The following FGF1 variants were observed in gnomAD, a reference collection of about 807,000 sequenced individuals.
FGF1 encodes fibroblast growth factor 1.
In FGF1, 9 loss-of-function variants were observed where a neutral mutation model predicts 13.4. The observed-to-expected ratio is 0.67, with a 90% confidence interval of 0.40 to 1.17. The LOEUF (loss-of-function observed/expected upper bound fraction) is 1.17, where lower values mean the gene tolerates loss of function less well. Among genes scored for constraint, FGF1 ranks in the 50% most tolerant of loss-of-function variants. The probability of loss-of-function intolerance (pLI) is 0.01; values close to 1 mark genes in which losing one functional copy is unlikely to be tolerated. For synonymous variants in FGF1, 93 were observed against 79.0 expected, an observed-to-expected ratio of 1.18 and a Z score of -0.94; for missense variants, 156 against 192.7, an observed-to-expected ratio of 0.81 and a Z score of 1.13.
intron 1 of FGF1, among the ~76,000 whole-genome samples, chr5:142,652,352 G>C (rs558476988): frequency 6.6e-6 from 1 of 152,164 alleles, no homozygotes; most frequent in African/African-American, 2.4e-5. Flanking sequence ...CACAAGAGGC[G>C]CTGGGACATT....
chr5:142,693,313 CAG>C (rs1445154947), intron 2 of FGF1, among the ~76,000 whole-genome samples: 3 of 151,852 alleles, frequency 2.0e-5, no homozygotes, highest in African/African-American at 2.4e-5. Context: ...TTTTTTGAGA[CAG>C]AGTCTCACTC....
At position 142,647,352 on chromosome 5, in the gene FGF1, T is replaced by G. The variant is rs189305195; in HGVS notation, c.-34-33191A>C. On this transcript the variant is annotated intron_variant, in intron 1 of 3. Transcript: ENST00000337706. ...TTGCTGCTCTAGAAACTTGAAGTCC[T>G]TTTCCTTTGTCTTGTCACTTCTCTA... 9.1e-4 allele frequency among the ~76,000 whole-genome samples: 138 copies of G among 152,324 alleles called. 4 individuals carry two copies. Among genetic ancestry groups the G allele is most frequent in the Admixed American group, 8.8e-3 (135 of 15,306 alleles).
intron 1 of FGF1, among the ~76,000 whole-genome samples, chr5:142,627,669 C>G (rs139372666): frequency 6.6e-6 from 1 of 152,186 alleles, no homozygotes; most frequent in South Asian, 2.1e-4. Flanking sequence ...GGCAGGGGAG[C>G]AGGGCCCAGG....
At chr5:142,684,146 A>T (rs954188300) in intron 1 of FGF1, among the ~76,000 whole-genome samples, 1 of 152,216 alleles carries the variant, frequency 6.6e-6, no homozygotes, top group East Asian at 1.9e-4. Flanking sequence ...CAGTCCCAAG[A>T]TCCTAATAGT....
At chr5:142,695,587 GAA>G (rs70991777) in intron 2 of FGF1, among the ~76,000 whole-genome samples, 11 of 115,312 alleles carry the variant, frequency 9.5e-5, no homozygotes, top group South Asian at 2.8e-4. Flanking sequence ...GTATCAAAAA[GAA>G]AAAAAAAAAA....
At chr5:142,628,210 T>G (rs910278958) in intron 1 of FGF1, among the ~76,000 whole-genome samples, 2 of 152,132 alleles carry the variant, frequency 1.3e-5, no homozygotes, top group African/African-American at 2.4e-5. Context: ...CACATTGCAG[T>G]CAAGATGTCA....
intron 1 of FGF1, among the ~76,000 whole-genome samples, chr5:142,639,647 C>T (rs13359228): frequency 0.2 from 30,514 of 151,748 alleles, 3,648 homozygotes; most frequent in African/African-American, 0.3. Flanking sequence ...AGAGATCTAT[C>T]GTACAGCATG....
chr5:142,646,371 A>G (rs1322498512), intron 1 of FGF1, among the ~76,000 whole-genome samples: 2 of 149,796 alleles, frequency 1.3e-5, no homozygotes, highest in Admixed American at 6.6e-5. Context: ...TTTTTTTTTG[A>G]GAGGAGACTT....
At chr5:142,676,695 G>A (rs1772673674) in intron 1 of FGF1, among the ~76,000 whole-genome samples, 2 of 152,158 alleles carry the variant, frequency 1.3e-5, no homozygotes, top group African/African-American at 2.4e-5. Flanking sequence ...CTTCTTCTGT[G>A]TGAGCTAGCT....
Position 142,614,076 on chromosome 5 carries a change from G to C in FGF1, c.52C>G (p.Leu18Val). Residue 18 changes from leucine to valine, a missense_variant, in exon 2 of 4, where the codon CTG (leucine) becomes GTG (valine). Coordinates refer to ENST00000337706, the MANE Select transcript of FGF1 (RefSeq NM_000800.5). ...TFTALTEKFN[L>V]PPGNYKKPKL... ...GGCTTCTTGTAATTCCCTGGAGGCAGATTAAACTTCTCGGTCAGGGCTGTG... is the reference window on the plus strand; with the variant it reads ...GGCTTCTTGTAATTCCCTGGAGGCACATTAAACTTCTCGGTCAGGGCTGTG... The C allele has an allele frequency of 6.2e-7, 1 of 1,614,222 alleles. No homozygotes were observed. Among genetic ancestry groups the C allele is most frequent in the Non-Finnish European group, 8.5e-7 (1 of 1,180,026 alleles).
chr5:142,633,657 A>C lies in FGF1; in HGVS notation c.-34-19496T>G, dbSNP rs534200366. Among the ~76,000 whole-genome samples the C allele has an allele frequency of 3.9e-5, 6 of 152,318 alleles. No individual in the cohort carries two copies. The East Asian group carries it at 9.6e-4, about 24-fold the overall frequency. On this transcript the variant is annotated intron_variant, in intron 1 of 3. Coordinates refer to ENST00000337706, the MANE Select transcript of FGF1 (RefSeq NM_000800.5). ...CCGGAGTCCAGTGTGCCCCAGGCTC[A>C]CGGGGAGCAGAATGCCCACTGCAGC...
intron 1 of FGF1, among the ~76,000 whole-genome samples, chr5:142,618,683 G>A (rs1046140715): frequency 5.3e-5 from 8 of 152,032 alleles, no homozygotes; most frequent in Non-Finnish European, 8.8e-5. Context: ...GAAGATGAAA[G>A]GCACAAAGGT....
At chr5:142,683,651 G>A (rs199728762) in intron 1 of FGF1, among the ~76,000 whole-genome samples, 2 of 151,636 alleles carry the variant, frequency 1.3e-5, no homozygotes, top group African/African-American at 4.9e-5. Flanking sequence ...GAGAAACCCC[G>A]TCTCTAATAA....
chr5:142,683,993 A>G (rs1774215240), intron 1 of FGF1, among the ~76,000 whole-genome samples: 1 of 152,184 alleles, frequency 6.6e-6, no homozygotes, highest in East Asian at 1.9e-4. Flanking sequence ...CTACTCTGTC[A>G]GTGGAGCAGC....
chr5:142,648,454 C>T (rs1597317589), intron 1 of FGF1, among the ~76,000 whole-genome samples: 1 of 137,408 alleles, frequency 7.3e-6, no homozygotes, highest in African/African-American at 2.7e-5. Flanking sequence ...GGGAGTTGAA[C>T]AATGAGAACA....
chr5:142,690,046 G>T (rs1751918728), upstream of FGF1, among the ~76,000 whole-genome samples: 1 of 147,388 alleles, frequency 6.8e-6, no homozygotes, highest in Admixed American at 6.7e-5. Context: ...CCTTGGCCGG[G>T]CACGGTGGCT....
At chr5:142,641,436 A>G (rs2151950918) in intron 1 of FGF1, among the ~76,000 whole-genome samples, 1 of 152,106 alleles carries the variant, frequency 6.6e-6, no homozygotes, top group Non-Finnish European at 1.5e-5. Context: ...TGAATAATCT[A>G]AATATATACA....
chr5:142,620,678 G>A (rs1761397815), intron 1 of FGF1, among the ~76,000 whole-genome samples: 1 of 152,154 alleles, frequency 6.6e-6, no homozygotes, highest in South Asian at 2.1e-4. Flanking sequence ...TGTCATAAAT[G>A]ATAGAGCAAA....
intron 1 of FGF1, among the ~76,000 whole-genome samples, chr5:142,629,841 A>G (rs1397381321): frequency 6.8e-6 from 1 of 147,962 alleles, no homozygotes; most frequent in East Asian, 1.9e-4. Flanking sequence ...TTTGAAAAAT[A>G]CTGCATTAAA....
Sources: gnomAD v4.1 joint callset for allele counts (sites outside exome capture counted in the v4.1 genomes callset) on GRCh38, gnomAD v4.1.1 for gene constraint, MANE v1.5 for transcripts, NCBI Gene and HGNC (gene_info 2026-07-23, HGNC 2026-07-21) for gene names.